The following FNBP1 variants were observed in gnomAD, a reference collection of about 807,000 sequenced individuals.
FNBP1 encodes formin-binding protein 1.
FNBP1 carries 26 observed loss-of-function variants against 90.6 expected under a neutral mutation model. The ratio of observed to expected loss-of-function variants is 0.29; its 90% CI spans 0.21 to 0.40. The LOEUF is 0.40. FNBP1 is among the 10% of genes least tolerant of loss of function. The probability of loss-of-function intolerance (pLI) is 1.00; values close to 1 mark genes in which losing one functional copy is unlikely to be tolerated. For synonymous variants in FNBP1, 260 were observed against 265.2 expected, an observed-to-expected ratio of 0.98 and a Z score of 0.19; for missense variants, 635 against 768.0, an observed-to-expected ratio of 0.83 and a Z score of 2.05.
intron 6 of FNBP1, among the ~76,000 whole-genome samples, chr9:129,935,121 A>ATTTTTT (rs11410932): frequency 7.9e-6 from 1 of 127,078 alleles, no homozygotes; most frequent in Non-Finnish European, 1.6e-5. Context: ...TGTTTAGCTC[A>ATTTTTT]TTTTTTTTTT....
In FNBP1 at chr9:129,948,583, C is replaced by T. The variant is rs1436625378; in HGVS notation, c.513+8777G>A. Among the ~76,000 whole-genome samples the T allele has an allele frequency of 3.3e-5, 5 of 151,868 alleles. No individual in the cohort carries two copies. In the East Asian group the frequency reaches 9.7e-4, roughly 29 times the overall value. ...TCAAGACGGAGTTTTGCTCTTGTCCCCCAGGCTGGAGTGCAATGGCATGAT... is the reference window on the plus strand; with the variant it reads ...TCAAGACGGAGTTTTGCTCTTGTCCTCCAGGCTGGAGTGCAATGGCATGAT... On this transcript the variant is annotated intron_variant, in intron 6 of 16. Coordinates refer to ENST00000446176, the MANE Select transcript of FNBP1 (RefSeq NM_015033.3).
chr9:129,984,782 C>T (rs544920275), intron 2 of FNBP1, among the ~76,000 whole-genome samples: 14 of 152,248 alleles, frequency 9.2e-5, no homozygotes, highest in Middle Eastern at 3.4e-3. Flanking sequence ...GAATAAGTCT[C>T]ACAAGATCTG....
At chr9:129,976,541 A>G (rs959835173) in intron 4 of FNBP1, among the ~76,000 whole-genome samples, 1 of 152,150 alleles carries the variant, frequency 6.6e-6, no homozygotes, top group Non-Finnish European at 1.5e-5. Context: ...TATAGTTTAG[A>G]AAGAACTAAA....
intron 4 of FNBP1, among the ~76,000 whole-genome samples, chr9:129,960,383 CAAAAAAAA>C (rs10715833): frequency 2.2e-4 from 18 of 80,432 alleles, no homozygotes; most frequent in South Asian, 2.1e-3. Flanking sequence ...GACTCCATCT[CAAAAAAAA>C]AAAAAAAAAA....
intron 4 of FNBP1, among the ~76,000 whole-genome samples, chr9:129,965,218 C>CAAACCAG (rs1276201183): frequency 6.6e-6 from 1 of 152,234 alleles, no homozygotes; most frequent in Non-Finnish European, 1.5e-5. Flanking sequence ...ACTTAAAACC[C>CAAACCAG]AAACCAGAAA....
intron 1 of FNBP1, among the ~76,000 whole-genome samples, chr9:130,028,229 T>C (rs1416821652): frequency 2.6e-5 from 4 of 152,268 alleles, no homozygotes; most frequent in Non-Finnish European, 5.9e-5. Context: ...GTTGTGGACA[T>C]CTTTCCAAAA....
intron 7 of FNBP1, among the ~76,000 whole-genome samples, chr9:129,929,305 G>A: frequency 6.6e-6 from 1 of 151,340 alleles, no homozygotes; most frequent in African/African-American, 2.4e-5. Context: ...AGCTACTCGG[G>A]AGGCTGAGGC....
intron 12 of FNBP1, among the ~76,000 whole-genome samples, chr9:129,907,580 G>GGGGTGTGTGTGTGTGTGTGTGT (rs942734835): frequency 2.7e-5 from 4 of 147,206 alleles, no homozygotes; most frequent in African/African-American, 1.0e-4. Context: ...TAGGAGTGAG[G>GGGGTGTGTGTGTGTGTGTGTGT]GTGTGTGTGT....
intron 6 of FNBP1, among the ~76,000 whole-genome samples, chr9:129,934,010 A>G (rs2043106671): frequency 6.6e-6 from 1 of 152,240 alleles, no homozygotes; most frequent in African/African-American, 2.4e-5. Flanking sequence ...ACTAGTGTTG[A>G]ATCAATTACT....
intron 6 of FNBP1, among the ~76,000 whole-genome samples, chr9:129,933,905 G>A (rs537533075): frequency 7.9e-5 from 12 of 152,188 alleles, no homozygotes; most frequent in African/African-American, 2.6e-4. Flanking sequence ...CTCTGGCCTA[G>A]GAATGCACCA....
intron 2 of FNBP1, among the ~76,000 whole-genome samples, chr9:129,983,125 T>A (rs1159174349): frequency 6.6e-6 from 1 of 152,234 alleles, no homozygotes; most frequent in Non-Finnish European, 1.5e-5. Flanking sequence ...ATAAAAATCA[T>A]GTAAGTTTTA....
At chr9:129,951,805 T>C (rs1362629284) in intron 6 of FNBP1, among the ~76,000 whole-genome samples, 1 of 152,140 alleles carries the variant, frequency 6.6e-6, no homozygotes, top group African/African-American at 2.4e-5. Flanking sequence ...TGCTGGTCTA[T>C]CTTGCAGTTT....
intron 2 of FNBP1, among the ~76,000 whole-genome samples, chr9:129,982,671 A>T (rs2051451650): frequency 6.6e-6 from 1 of 151,776 alleles, no homozygotes; most frequent in African/African-American, 2.4e-5. Flanking sequence ...TTTTATTTTA[A>T]TTTTTTTAGA....
At chr9:129,894,985 G>C (rs10988542) in intron 16 of FNBP1, among the ~76,000 whole-genome samples, 12,055 of 152,126 alleles carry the variant, frequency 0.079, 621 homozygotes, top group South Asian at 0.17. Context: ...TTGAACCTGG[G>C]GGAGGCGGAG....
intron 11 of FNBP1, among the ~76,000 whole-genome samples, chr9:129,915,276 T>C: frequency 6.6e-6 from 1 of 152,136 alleles, no homozygotes; most frequent in East Asian, 1.9e-4. Context: ...TCTACTTCTA[T>C]GGTTCTCTAA....
rs116274665 is a variant in FNBP1 at position 129,952,666 on chromosome 9, T to A, written c.513+4694A>T. Among the ~76,000 whole-genome samples the A allele has an allele frequency of 9.6e-3, 1,455 of 152,274 alleles. 24 individuals are homozygous for A. The highest frequency in any genetic ancestry group is 0.033 in the African/African-American group (1,377 of 41,560). ...ATCAGGTAAAATAGACTTTAGGGGA[T>A]TAAGCTTGACTGGGAAAGGGGGCCA... On this transcript the variant is annotated intron_variant, in intron 6 of 16. Transcript: ENST00000446176.
intron 2 of FNBP1, among the ~76,000 whole-genome samples, chr9:129,981,466 T>C (rs946645529): frequency 6.6e-6 from 1 of 152,200 alleles, no homozygotes; most frequent in African/African-American, 2.4e-5. Flanking sequence ...CTGTTGCTAT[T>C]CCTCTTTATT....
upstream of FNBP1, among the ~76,000 whole-genome samples, chr9:130,046,517 C>T (rs192623973): frequency 2.4e-4 from 35 of 144,130 alleles, 1 homozygote; most frequent in East Asian, 5.9e-3. Flanking sequence ...GCAGATCATC[C>T]GAGGTCAGGA....
At position 129,994,831 on chromosome 9, in the gene FNBP1, A is replaced by G. The variant is rs368399104; in HGVS notation, c.140+12T>C. 3.0e-6 allele frequency: 4 copies of G among 1,320,808 alleles called. No homozygotes were observed. The highest frequency in any genetic ancestry group is 1.3e-5 in the South Asian group (1 of 79,564). 81.8% of individuals were successfully genotyped at this position (1,320,808 alleles called of 1,614,324 possible). The stretch of plus-strand genomic sequence containing the variant: ...TGCAGTTAACAAATAACCTTTTTCA[A>G]TATCAACTTACCTGAGTTGCTTTGC... On this transcript the variant is annotated intron_variant, in intron 2 of 16. Transcript: ENST00000446176.
Sources: gnomAD v4.1 joint callset for allele counts (sites outside exome capture counted in the v4.1 genomes callset) on GRCh38, gnomAD v4.1.1 for gene constraint, MANE v1.5 for transcripts, NCBI Gene and HGNC (gene_info 2026-07-23, HGNC 2026-07-21) for gene names.